Variants in ARFGAP1 observed in about 807,000 individuals in gnomAD.
The protein encoded by ARFGAP1 is ADP-ribosylation factor GTPase-activating protein 1.
ARFGAP1 carries 26 observed loss-of-function variants against 54.0 expected under a neutral mutation model. That is an observed-to-expected ratio of 0.48 (90% CI 0.35 to 0.67). ARFGAP1 has a LOEUF of 0.67. Ranked by LOEUF, ARFGAP1 falls within the 30% of genes least tolerant of loss-of-function variation. ARFGAP1 has a pLI of 0.00. For synonymous variants in ARFGAP1, 248 were observed against 211.9 expected (o/e 1.17, Z -1.48); for missense variants, 525 against 535.8 (o/e 0.98, Z 0.20).
At position 63,287,743 on chromosome 20, in the gene ARFGAP1, G is replaced by A. The variant is rs1041981691; in HGVS notation, c.1091G>A (p.Trp364Ter). Residue 364 changes from tryptophan to a stop codon, truncating the protein, a stop_gained, in exon 13 of 13, where the codon TGG (tryptophan) becomes TAG (stop). Coordinates refer to ENST00000370283, the MANE Select transcript of ARFGAP1 (RefSeq NM_018209.4). LOFTEE classifies it low-confidence loss of function (END_TRUNC). ...TSTERRSSDS[W>*]EVWGSASTNR... ...ACCGAGAGGAGGAGCTCGGACAGCT[G>A]GGAGGTGTGGGGCTCGGCCTCCACC... The A allele has an allele frequency of 1.9e-6, 3 of 1,610,734 alleles. No homozygotes were observed. Among genetic ancestry groups the A allele is most frequent in the Non-Finnish European group, 2.5e-6 (3 of 1,179,240 alleles).
In ARFGAP1 at chr20:63,272,848, T is replaced by A. The variant is rs2067137777; in HGVS notation, c.-77T>A. 6.6e-6 allele frequency: 1 copy of A among 152,170 alleles called. No individual in the cohort carries two copies. Among genetic ancestry groups the A allele is most frequent in the South Asian group, 2.1e-4 (1 of 4,832 alleles). The allele number at this position is 152,170 out of a possible 1,614,324, so 9.4% of individuals were successfully genotyped here. ...GGCGGCTGGTGGGCGACCGGGCGCA[T>A]CCTCATTGCAGTGCGGCGGCCCTAC... is the stretch of plus-strand genomic sequence containing the variant. On this transcript the variant is annotated 5_prime_UTR_variant, in exon 1 of 13. Coordinates refer to ENST00000370283, the MANE Select transcript of ARFGAP1 (RefSeq NM_018209.4).
intron 6 of ARFGAP1, 54 bp from the exon 7 acceptor site, chr20:63,278,845 G>T: frequency 6.3e-7 from 1 of 1,587,496 alleles, no homozygotes; most frequent in Admixed American, 1.7e-5. Flanking sequence ...CACGCCCTCG[G>T]GAGGAGCAGG....
chr20:63,281,475 T>C (rs2067379379), intron 8 of ARFGAP1, 128 bp downstream of exon 8: 2 of 1,195,308 alleles, frequency 1.7e-6, no homozygotes, highest in Admixed American at 2.1e-5. Context: ...GCTGTAACCA[T>C]GGGCTGTGCC....
intron 11 of ARFGAP1, 74 bp from the exon 12 acceptor site, chr20:63,286,292 T>C: frequency 6.2e-7 from 1 of 1,600,032 alleles, no homozygotes; most frequent in Non-Finnish European, 8.5e-7. Context: ...CGTGCCGGCT[T>C]GCGTGTGGGG....
At position 63,288,075 on chromosome 20, in the gene ARFGAP1, TCCA is replaced by T; in HGVS notation, c.*203_*205del. 1.5e-6 allele frequency: 1 copy of T among 654,294 alleles called. No homozygotes were observed. Among genetic ancestry groups the T allele is most frequent in the Non-Finnish European group, 2.6e-6 (1 of 385,828 alleles). The allele number at this position is 654,294 out of a possible 1,614,324, so 40.5% of individuals were successfully genotyped here. On this transcript the variant is annotated 3_prime_UTR_variant, in exon 13 of 13. Transcript: ENST00000370283. ...TTCGGTGCGTGGGGGCGGCTTGCTG[TCCA>T]GCCTGTGTGGGGGCCGTCCCGTCCC...
At chr20:63,283,864 A>C (rs1178126145) in intron 9 of ARFGAP1, 1 of 1,613,616 alleles carries the variant, frequency 6.2e-7, no homozygotes, top group Non-Finnish European at 8.5e-7. Context: ...TGGGGTCACA[A>C]GCAGCAGCCG....
Position 63,276,631 on chromosome 20 carries a change from G to T in ARFGAP1, c.322G>T (p.Ala108Ser), listed in dbSNP as rs1420863880. 3 of 1,611,814 alleles carry T rather than the reference G, an allele frequency of 1.9e-6. No individual in the cohort carries two copies. Among genetic ancestry groups the T allele is most frequent in the African/African-American group, 1.3e-5 (1 of 75,002 alleles). ...SLQEKYNSRAAALFRDKVVAL... is the reference protein window; with the variant it reads ...SLQEKYNSRASALFRDKVVAL... ...GCAGGAGAAGTACAACAGCAGAGCC[G>T]CGGCCCTCTTTAGGGATAAGGTAGA... is the stretch of plus-strand genomic sequence containing the variant. Residue 108 changes from alanine to serine, a missense_variant, in exon 4 of 13, where the codon GCG becomes TCG. Transcript: ENST00000370283. The surrounding 1 kb of genome is among the most constrained non-coding windows in gnomAD (Gnocchi z 5.2).
chr20:63,288,701 C>A lies in ARFGAP1; in HGVS notation c.*828C>A. The A allele has an allele frequency of 2.8e-6, 1 of 358,944 alleles. No individual in the cohort carries two copies. The highest frequency in any genetic ancestry group is 5.6e-6 in the Non-Finnish European group (1 of 179,888). The allele number at this position is 358,944 out of a possible 1,614,324, so 22.2% of individuals were successfully genotyped here. ...AGGAGCTGAGCAGGGGATGCCTGTGCGTGGTGCCTGGGTCTAGGGAAGCTC... is the reference window on the plus strand; with the variant it reads ...AGGAGCTGAGCAGGGGATGCCTGTGAGTGGTGCCTGGGTCTAGGGAAGCTC... On this transcript the variant is annotated 3_prime_UTR_variant, in exon 13 of 13. Transcript: ENST00000370283.
At chr20:63,283,479 C>G (rs1005117578) in intron 9 of ARFGAP1, 1 of 295,732 alleles carries the variant, frequency 3.4e-6, no homozygotes, top group Non-Finnish European at 6.3e-6. Flanking sequence ...GTGCATGGCT[C>G]TAGGACGCGC....
At chr20:63,282,575 C>T (rs754080026) in intron 8 of ARFGAP1, among the ~76,000 whole-genome samples, 1 of 152,230 alleles carries the variant, frequency 6.6e-6, no homozygotes, top group South Asian at 2.1e-4. Flanking sequence ...ACGCTGCTCA[C>T]GTGTGCCCTC....
At position 63,278,984 on chromosome 20, in the gene ARFGAP1, T is replaced by TC; in HGVS notation, c.619dup (p.Leu207ProfsTer60). 1 of 1,613,948 alleles carries TC rather than the reference T, an allele frequency of 6.2e-7. No individual in the cohort carries two copies. The highest frequency in any genetic ancestry group is 8.5e-7 in the Non-Finnish European group (1 of 1,180,006). On this transcript the variant is annotated frameshift_variant, in exon 7 of 13. Transcript: ENST00000370283. LOFTEE classifies it high-confidence loss of function. The stretch of plus-strand genomic sequence containing the variant: ...TGACTTCCTCAACAACGCCATGTCC[T>TC]CCCTGTACTCGGTGAGGACTTGGCC...
chr20:63,283,154 G>A lies in ARFGAP1; in HGVS notation c.717+303G>A, dbSNP rs938861772. On this transcript the variant is annotated intron_variant, in intron 9 of 12. Coordinates refer to ENST00000370283, the MANE Select transcript of ARFGAP1 (RefSeq NM_018209.4). The stretch of plus-strand genomic sequence containing the variant: ...GGGAGCAGGACTGCCCGGCTTGGCA[G>A]ATGGCCCACGCTGGCGGTGGCCGCT... 11 of 476,418 alleles carry A rather than the reference G, an allele frequency of 2.3e-5. No homozygotes were observed. In the Admixed American group the frequency reaches 2.5e-4, roughly 11 times the overall value. 29.5% of individuals were successfully genotyped at this position (476,418 alleles called of 1,614,324 possible). A position where few individuals can be genotyped will look rare whatever the true frequency, so the allele number is the denominator to read the frequency against.
intron 11 of ARFGAP1, 184 bp downstream of exon 11, chr20:63,285,897 C>T (rs112244255): frequency 7.0e-7 from 1 of 1,432,944 alleles, no homozygotes; most frequent in Admixed American, 2.1e-5. Context: ...CAACTTGGCC[C>T]ACTGCGGCCC....
chr20:63,278,131 C>T lies in ARFGAP1; in HGVS notation c.458C>T (p.Pro153Leu), dbSNP rs138655227. The stretch of plus-strand genomic sequence containing the variant: ...CTCGGTTTCAGAGTCTCTGGCCAGC[C>T]GCAGAGTGTGACCGCCTCCTCGGAC... The part of the protein sequence containing the change: ...PSMVHRVSGQ[P>L]QSVTASSDKA... The change falls in exon 6 of 13, where the codon CCG becomes CTG. Residue 153 changes from proline (P) to leucine (L), a missense_variant. Coordinates refer to ENST00000370283, the MANE Select transcript of ARFGAP1 (RefSeq NM_018209.4). 542 of 1,613,590 alleles carry T rather than the reference C, an allele frequency of 3.4e-4. No homozygotes were observed. The highest frequency in any genetic ancestry group is 4.3e-4 in the Non-Finnish European group (502 of 1,179,926).
At chr20:63,280,577 C>T (rs188021233) in intron 7 of ARFGAP1, among the ~76,000 whole-genome samples, 50 of 152,360 alleles carry the variant, frequency 3.3e-4, no homozygotes, top group African/African-American at 1.2e-3. Flanking sequence ...AGCTTCCAGT[C>T]GCTCGGGGTG....
chr20:63,278,765 C>T (rs1204340093), intron 6 of ARFGAP1, 134 bp from the exon 7 acceptor site: 8 of 631,722 alleles, frequency 1.3e-5, no homozygotes, highest in South Asian at 6.1e-5. Flanking sequence ...CAGGAGGCAG[C>T]GTGCATGTCC....
intron 5 of ARFGAP1, 138 bp from the exon 6 acceptor site, chr20:63,277,979 G>A: frequency 2.8e-6 from 2 of 709,846 alleles, no homozygotes; most frequent in Non-Finnish European, 4.8e-6. Context: ...AGAGCTGAAG[G>A]CCACCCTGGC....
chr20:63,273,745 A>G (rs1363645454), intron 1 of ARFGAP1, among the ~76,000 whole-genome samples: 1 of 152,204 alleles, frequency 6.6e-6, no homozygotes, highest in Non-Finnish European at 1.5e-5. Flanking sequence ...GTTGACCAAT[A>G]CATAAGCCCC....
intron 7 of ARFGAP1, among the ~76,000 whole-genome samples, chr20:63,280,811 G>A (rs2067360761): frequency 1.3e-5 from 2 of 152,250 alleles, no homozygotes; most frequent in Non-Finnish European, 1.5e-5. Flanking sequence ...AGGAGGAAGA[G>A]GGTGAGTTGT....
Sources: gnomAD v4.1 joint callset for allele counts (sites outside exome capture counted in the v4.1 genomes callset) on GRCh38, gnomAD v4.1.1 for gene constraint, Gnocchi (gnomAD v3.1) non-coding constraint, MANE v1.5 for transcripts, NCBI Gene and HGNC (gene_info 2026-07-23, HGNC 2026-07-21) for gene names.